The following DLGAP2 variants were observed in gnomAD, a reference collection of about 807,000 sequenced individuals.
The protein encoded by DLGAP2 is DLG associated protein 2, also known as disks large-associated protein 2.
In DLGAP2, 26 loss-of-function variants were observed where a neutral mutation model predicts 100.3. The observed-to-expected ratio is 0.26, with a 90% CI of 0.19 to 0.36. The LOEUF is 0.36. Ranked by LOEUF, DLGAP2 falls within the 10% of genes least tolerant of loss-of-function variation. The pLI is 1.00. For missense variants in DLGAP2, 1,858 were observed against 1,453.2 expected (o/e 1.28, Z -4.53); for synonymous variants, 886 against 630.1 (o/e 1.41, Z -6.08).
chr8:887,097 G>A (rs187304421), intron 1 of DLGAP2, among the ~76,000 whole-genome samples: 89 of 152,166 alleles, frequency 5.8e-4, no homozygotes, highest in Admixed American at 1.6e-3. Flanking sequence ...TCTTCTTGTC[G>A]AATTGATCCC....
chr8:932,436 TG>T (rs1798980439), intron 2 of DLGAP2, among the ~76,000 whole-genome samples: 1 of 152,258 alleles, frequency 6.6e-6, no homozygotes, highest in Non-Finnish European at 1.5e-5. Context: ...AAACTAGAGA[TG>T]TCACAAGTGC....
intron 3 of DLGAP2, among the ~76,000 whole-genome samples, chr8:1,266,356 G>C (rs1799450952): frequency 6.6e-6 from 1 of 152,178 alleles, no homozygotes; most frequent in South Asian, 2.1e-4. Flanking sequence ...GATTCACCTG[G>C]GTGATACTCT....
At chr8:1,199,527 C>T (rs1199099082) in intron 2 of DLGAP2, among the ~76,000 whole-genome samples, 1 of 152,184 alleles carries the variant, frequency 6.6e-6, no homozygotes, top group Non-Finnish European at 1.5e-5. Context: ...GATCACAGCA[C>T]AGCTACCTCT....
At chr8:1,498,280 G>C (rs1799608430) in intron 3 of DLGAP2, among the ~76,000 whole-genome samples, 1 of 152,012 alleles carries the variant, frequency 6.6e-6, no homozygotes, top group Non-Finnish European at 1.5e-5. Flanking sequence ...TCTTATCAGA[G>C]TCAATTCTCT....
At chr8:1,003,502 G>C (rs1801020192) in intron 2 of DLGAP2, among the ~76,000 whole-genome samples, 1 of 152,236 alleles carries the variant, frequency 6.6e-6, no homozygotes, top group African/African-American at 2.4e-5. Context: ...CAATCCATTG[G>C]TTTTGGTTAT....
At position 1,437,351 on chromosome 8, in the gene DLGAP2, C is replaced by T. The variant is rs182155147; in HGVS notation, c.107-64015C>T. Among the ~76,000 whole-genome samples, 20 of 152,364 alleles carry T rather than the reference C, an allele frequency of 1.3e-4. No homozygotes were observed. The East Asian group carries it at 3.9e-3, about 29-fold the overall frequency. On this transcript the variant is annotated intron_variant, in intron 3 of 14. Coordinates refer to ENST00000637795, the MANE Select transcript of DLGAP2 (RefSeq NM_001346810.2). ...CCACAATGCTCACACAACCACGAGGCCACCTTACGTTTCTCTGAATGTGCC... is the reference window on the plus strand; with the variant it reads ...CCACAATGCTCACACAACCACGAGGTCACCTTACGTTTCTCTGAATGTGCC...
At chr8:1,072,999 C>G (rs1214606356) in intron 2 of DLGAP2, among the ~76,000 whole-genome samples, 1 of 152,184 alleles carries the variant, frequency 6.6e-6, no homozygotes, top group African/African-American at 2.4e-5. Context: ...CTAATTATCA[C>G]TCCCCATTTG....
intron 1 of DLGAP2, among the ~76,000 whole-genome samples, chr8:746,452 C>T (rs1189980711): frequency 2.0e-5 from 3 of 152,218 alleles, no homozygotes; most frequent in Non-Finnish European, 2.9e-5. Context: ...CCACAGGCCA[C>T]GTCGGCAGGG....
intron 1 of DLGAP2, among the ~76,000 whole-genome samples, chr8:814,984 C>G (rs1208462316): frequency 6.6e-6 from 1 of 151,586 alleles, no homozygotes; most frequent in East Asian, 1.9e-4. Context: ...AAAGAAATTT[C>G]CTAGTGTTAA....
intron 1 of DLGAP2, among the ~76,000 whole-genome samples, chr8:759,771 A>T (rs753575971): frequency 6.6e-6 from 1 of 152,044 alleles, no homozygotes; most frequent in African/African-American, 2.4e-5. Flanking sequence ...AGTATTTACT[A>T]CCTCTTCCCC....
At chr8:938,242 T>C (rs1799116017) in intron 2 of DLGAP2, among the ~76,000 whole-genome samples, 1 of 152,096 alleles carries the variant, frequency 6.6e-6, no homozygotes, top group Non-Finnish European at 1.5e-5. Flanking sequence ...TGGAGTATAA[T>C]GGTGACAGAG....
chr8:1,239,941 CAT>C (rs542949005), intron 2 of DLGAP2, among the ~76,000 whole-genome samples: 53 of 145,944 alleles, frequency 3.6e-4, no homozygotes, highest in South Asian at 2.1e-3. Flanking sequence ...AGTTCTCTCA[CAT>C]GTTGCCGTGT....
intron 3 of DLGAP2, among the ~76,000 whole-genome samples, chr8:1,426,817 TA>T (rs778278745): frequency 5.9e-5 from 9 of 151,470 alleles, no homozygotes; most frequent in African/African-American, 1.7e-4. Context: ...AAATTAGTCG[TA>T]AAAAAAAATT....
Position 1,164,111 on chromosome 8 carries a change from AGCCCGCAGGGCCC to A in DLGAP2, c.74-94738_74-94726del, listed in dbSNP as rs1563223979. On this transcript the variant is annotated intron_variant, in intron 2 of 14. Transcript: ENST00000637795. ...TGTGCTGGGGACAGATTTTTCTGTG[AGCCCGCAGGGCCC>A]GTCATTTTGGTTTGTGGGGATTTTT... is the stretch of plus-strand genomic sequence containing the variant. Among the ~76,000 whole-genome samples, 17 of 95,974 alleles carry A rather than the reference AGCCCGCAGGGCCC, an allele frequency of 1.8e-4. 3 individuals are homozygous for A. Among genetic ancestry groups the A allele is most frequent in the South Asian group, 3.4e-4 (1 of 2,910 alleles). 63.0% of individuals were successfully genotyped at this position (95,974 alleles called of 152,430 possible).
At chr8:1,610,604 GT>G (rs1466571797) in intron 6 of DLGAP2, among the ~76,000 whole-genome samples, 2 of 135,168 alleles carry the variant, frequency 1.5e-5, no homozygotes, top group Non-Finnish European at 3.1e-5. Context: ...CCAGGAGCTG[GT>G]TTTTTGAAAG....
intron 2 of DLGAP2, among the ~76,000 whole-genome samples, chr8:946,050 T>G (rs1220377909): frequency 6.8e-6 from 1 of 147,944 alleles, no homozygotes; most frequent in Non-Finnish European, 1.5e-5. Flanking sequence ...AGGCGTAAAC[T>G]TGCCTTCCAG....
intron 1 of DLGAP2, among the ~76,000 whole-genome samples, chr8:774,404 T>C (rs1427005643): frequency 6.6e-6 from 1 of 152,250 alleles, no homozygotes; most frequent in East Asian, 1.9e-4. Context: ...TTTGGCGTTT[T>C]AGACATGAAG....
chr8:1,120,197 G>A (rs1417647924), intron 2 of DLGAP2, among the ~76,000 whole-genome samples: 2 of 152,146 alleles, frequency 1.3e-5, no homozygotes, highest in African/African-American at 4.8e-5. Flanking sequence ...TATGGGAGGA[G>A]GAAGAGAGCC....
At chr8:1,665,545 G>A (rs1466923458) in intron 8 of DLGAP2, among the ~76,000 whole-genome samples, 1 of 143,270 alleles carries the variant, frequency 7.0e-6, no homozygotes, top group Non-Finnish European at 1.5e-5. Context: ...AATATAATAA[G>A]GCAGATGTCA....
Sources: gnomAD v4.1 joint callset for allele counts (sites outside exome capture counted in the v4.1 genomes callset) on GRCh38, gnomAD v4.1.1 for gene constraint, MANE v1.5 for transcripts, NCBI Gene and HGNC (gene_info 2026-07-23, HGNC 2026-07-21) for gene names.